STX7: variants seen among roughly 807,000 people sequenced by gnomAD.
STX7 encodes syntaxin-7.
In STX7, 34 loss-of-function variants were observed where a neutral mutation model predicts 39.6. The observed-to-expected ratio is 0.86, with a 90% CI of 0.65 to 1.14. STX7 has a LOEUF of 1.14. Ranked by LOEUF, STX7 falls within the 50% of genes most tolerant of loss-of-function variation. The pLI, the probability that STX7 is intolerant of heterozygous loss-of-function variation, is 0.00. For missense variants in STX7, 284 were observed against 310.4 expected, an observed-to-expected ratio of 0.92 and a Z score of 0.64; for synonymous variants, 119 against 99.1, an observed-to-expected ratio of 1.20 and a Z score of -1.19.
At chr6:132,461,525 T>G (rs1020207972) in intron 9 of STX7, among the ~76,000 whole-genome samples, 2 of 152,000 alleles carry the variant, frequency 1.3e-5, no homozygotes, top group African/African-American at 4.8e-5. Flanking sequence ...TTGGCCAGGA[T>G]GGTCCCATTC....
At chr6:132,486,581 T>C (rs1775137230) in intron 2 of STX7, among the ~76,000 whole-genome samples, 1 of 152,144 alleles carries the variant, frequency 6.6e-6, no homozygotes, top group Non-Finnish European at 1.5e-5. Context: ...TTTAAAATAT[T>C]GGTGATTTGA....
At position 132,458,292 on chromosome 6, in the gene STX7, T is replaced by G. The variant is rs890095648; in HGVS notation, c.*2466A>C. On this transcript the variant is annotated 3_prime_UTR_variant, in exon 10 of 10. Coordinates refer to ENST00000367941, the MANE Select transcript of STX7 (RefSeq NM_003569.3). ...CACTGCATCCATGGCTGTCCTAGAC[T>G]GAGTTGCACTTGTAAAAGAGATGGT... 23 of 152,334 alleles carry G rather than the reference T, an allele frequency of 1.5e-4. No individual in the cohort carries two copies. Among genetic ancestry groups the G allele is most frequent in the African/African-American group, 4.8e-4 (20 of 41,570 alleles). The allele number at this position is 152,334 out of a possible 1,614,324, so 9.4% of individuals were successfully genotyped here. A position where few individuals can be genotyped will look rare whatever the true frequency, so the allele number is the denominator to read the frequency against.
chr6:132,478,549 T>A (rs1039538119), intron 2 of STX7, among the ~76,000 whole-genome samples: 2 of 152,158 alleles, frequency 1.3e-5, no homozygotes, highest in Middle Eastern at 3.2e-3. Context: ...ATCTATTCCC[T>A]GGGAATTACT....
intron 9 of STX7, among the ~76,000 whole-genome samples, chr6:132,462,582 G>GGT (rs71952617): frequency 0.18 from 26,630 of 144,800 alleles, 2,295 homozygotes; most frequent in Middle Eastern, 0.21. Context: ...CATTTGCAGG[G>GGT]GTGTGTGTGT....
chr6:132,498,117 G>A (rs530228900), intron 2 of STX7, among the ~76,000 whole-genome samples: 4 of 152,196 alleles, frequency 2.6e-5, no homozygotes, highest in Admixed American at 6.5e-5. Context: ...TGACTGTTAC[G>A]GAGTCAACGC....
intron 2 of STX7, among the ~76,000 whole-genome samples, chr6:132,492,552 A>C (rs1447822121): frequency 2.0e-5 from 3 of 152,200 alleles, no homozygotes; most frequent in Admixed American, 6.5e-5. Context: ...ACAGGGAATG[A>C]ACATAAATGC....
rs1342155306 is a variant in STX7 at position 132,450,647 on chromosome 6, A to G, written c.*10111T>C. 6.6e-6 allele frequency: 1 copy of G among 152,202 alleles called. No homozygotes were observed. Among genetic ancestry groups the G allele is most frequent in the East Asian group, 1.9e-4 (1 of 5,204 alleles). The allele number at this position is 152,202 out of a possible 1,614,324, so 9.4% of individuals were successfully genotyped here. A position where few individuals can be genotyped will look rare whatever the true frequency, so the allele number is the denominator to read the frequency against. ...TGCAGGAATCAATATGAAACACTTA[A>G]TTGATAGGCTCAATAGCAGAATGGA... On this transcript the variant is annotated 3_prime_UTR_variant, in exon 10 of 10. Coordinates refer to ENST00000367941, the MANE Select transcript of STX7 (RefSeq NM_003569.3).
At chr6:132,472,751 A>T (rs929832568) in intron 3 of STX7, among the ~76,000 whole-genome samples, 7 of 152,188 alleles carry the variant, frequency 4.6e-5, no homozygotes, top group African/African-American at 1.7e-4. Flanking sequence ...AGGTCAGGTA[A>T]GCAAGAAAAG....
intron 1 of STX7, among the ~76,000 whole-genome samples, chr6:132,508,140 G>C (rs1445852470): frequency 6.6e-6 from 1 of 152,230 alleles, no homozygotes; most frequent in Non-Finnish European, 1.5e-5. Flanking sequence ...TCTTGCAGCT[G>C]CAGGACCAGC....
chr6:132,503,532 GT>G lies in STX7; in HGVS notation c.-3del. The G allele has an allele frequency of 6.2e-7, 1 of 1,613,218 alleles. No individual in the cohort carries two copies. Among genetic ancestry groups the G allele is most frequent in the Non-Finnish European group, 8.5e-7 (1 of 1,179,338 alleles). On this transcript the variant is annotated 5_prime_UTR_variant, in exon 2 of 10. Coordinates refer to ENST00000367941, the MANE Select transcript of STX7 (RefSeq NM_003569.3). ...ACCAACTCCTGGAGTGTAAGACATGGTTGATGTTCTTATTCGCTAATTTCAT... is the reference window on the plus strand; with the variant it reads ...ACCAACTCCTGGAGTGTAAGACATGGTGATGTTCTTATTCGCTAATTTCAT...
chr6:132,486,740 T>C (rs6942075), intron 2 of STX7, among the ~76,000 whole-genome samples: 3,455 of 150,036 alleles, frequency 0.023, 122 homozygotes, highest in African/African-American at 0.079. Context: ...GACCTCAGCT[T>C]ACTGGAACCT....
intron 1 of STX7, among the ~76,000 whole-genome samples, chr6:132,505,554 G>A (rs1356643183): frequency 1.3e-5 from 2 of 151,936 alleles, no homozygotes; most frequent in Non-Finnish European, 2.9e-5. Flanking sequence ...TTCATTAAAG[G>A]GTAAATTCAA....
At chr6:132,464,128 A>T in intron 8 of STX7, 53 bp from the exon 9 acceptor site, 1 of 1,484,394 alleles carries the variant, frequency 6.7e-7, no homozygotes, top group East Asian at 2.3e-5. Context: ...TTGATGCTCC[A>T]GTAACAAATC....
At chr6:132,501,218 C>G (rs964428294) in intron 2 of STX7, among the ~76,000 whole-genome samples, 5 of 152,074 alleles carry the variant, frequency 3.3e-5, no homozygotes, top group African/African-American at 1.2e-4. Context: ...ACAGGCCCAG[C>G]TAATTTTGTA....
At chr6:132,509,052 T>C (rs1028829878) in intron 1 of STX7, among the ~76,000 whole-genome samples, 9 of 152,316 alleles carry the variant, frequency 5.9e-5, no homozygotes, top group Non-Finnish European at 8.8e-5. Flanking sequence ...CTCATTATCA[T>C]TATAAGCAAA....
chr6:132,491,263 A>C (rs1429327255), intron 2 of STX7, among the ~76,000 whole-genome samples: 2 of 151,172 alleles, frequency 1.3e-5, no homozygotes, highest in African/African-American at 2.5e-5. Flanking sequence ...AAATACCCAC[A>C]GGATTAAAAG....
rs1443738217 is a variant in STX7, at chr6:132,450,455, G to A, written c.*10303C>T. Reference sequence around the variant, plus strand: ...TATGTCTTCTGTTTTTTTCCAAATCGGTTTCACCAAGTTATGTGTACTTTA... The same window carrying A: ...TATGTCTTCTGTTTTTTTCCAAATCAGTTTCACCAAGTTATGTGTACTTTA... On this transcript the variant is annotated 3_prime_UTR_variant, in exon 10 of 10. Coordinates refer to ENST00000367941, the MANE Select transcript of STX7 (RefSeq NM_003569.3). 2 of 150,408 alleles carry A rather than the reference G, an allele frequency of 1.3e-5. No homozygotes were observed. The highest frequency in any genetic ancestry group is 2.4e-5 in the African/African-American group (1 of 40,826). 9.3% of individuals were successfully genotyped at this position (150,408 alleles called of 1,614,324 possible).
rs185023440 is a variant in STX7 at position 132,460,698 on chromosome 6, T to A, written c.*60A>T. The A allele has an allele frequency of 3.2e-6, 4 of 1,247,056 alleles. No homozygotes were observed. In the East Asian group the frequency reaches 9.5e-5, roughly 29 times the overall value. 77.2% of individuals were successfully genotyped at this position (1,247,056 alleles called of 1,614,324 possible). On this transcript the variant is annotated 3_prime_UTR_variant, in exon 10 of 10. Coordinates refer to ENST00000367941, the MANE Select transcript of STX7 (RefSeq NM_003569.3). ...AAAATAATAATTAAAAAAACATGAT[T>A]ACAGGAATCTTCCTACATAATTTAG... is the stretch of plus-strand genomic sequence containing the variant.
intron 7 of STX7, among the ~76,000 whole-genome samples, chr6:132,469,361 AT>A (rs1562323424): frequency 6.6e-6 from 1 of 152,162 alleles, no homozygotes; most frequent in African/African-American, 2.4e-5. Flanking sequence ...CTACACTGGT[AT>A]TTTCTCAATA....
Sources: allele counts gnomAD v4.1 joint callset (sites outside exome capture counted in the v4.1 genomes callset), GRCh38; gene constraint gnomAD v4.1.1; transcripts MANE v1.5; gene names NCBI Gene and HGNC (gene_info 2026-07-23, HGNC 2026-07-21).